Variants in GPATCH2 observed in about 807,000 individuals in gnomAD.
GPATCH2 encodes G-patch domain containing 2.
A neutral mutation model predicts 58.0 loss-of-function variants in GPATCH2; 51 were observed. The observed-to-expected ratio is 0.88, with a 90% CI of 0.70 to 1.11. The LOEUF (loss-of-function observed/expected upper bound fraction) is 1.11, where lower values mean the gene tolerates loss of function less well. Ranked by LOEUF, GPATCH2 falls within the 50% of genes most tolerant of loss-of-function variation. The pLI is 0.00. For missense variants in GPATCH2, 625 were observed against 652.2 expected, an observed-to-expected ratio of 0.96 and a Z score of 0.45; for synonymous variants, 222 against 218.5, an observed-to-expected ratio of 1.02 and a Z score of -0.14.
chr1:217,500,394 G>A (rs1662239259), intron 6 of GPATCH2, among the ~76,000 whole-genome samples: 1 of 151,802 alleles, frequency 6.6e-6, no homozygotes, highest in Non-Finnish European at 1.5e-5. Context: ...CTCTCACTGG[G>A]TGTTCACATC....
chr1:217,538,269 T>C (rs1664573817), intron 5 of GPATCH2, among the ~76,000 whole-genome samples: 1 of 152,222 alleles, frequency 6.6e-6, no homozygotes, highest in South Asian at 2.1e-4. Context: ...AGCATTCACA[T>C]TTCAATACAC....
At chr1:217,491,507 A>C (rs983702857) in intron 8 of GPATCH2, 173 bp downstream of exon 8, 1 of 321,070 alleles carries the variant, frequency 3.1e-6, no homozygotes, top group Non-Finnish European at 5.6e-6. Context: ...ATATAAATAA[A>C]ATATCTTTTT....
intron 5 of GPATCH2, among the ~76,000 whole-genome samples, chr1:217,528,071 T>C (rs1305005475): frequency 6.6e-6 from 1 of 152,174 alleles, no homozygotes; most frequent in East Asian, 1.9e-4. Flanking sequence ...GAGGGGTGAC[T>C]GTATGCATAA....
chr1:217,595,880 A>C (rs1667802878), intron 5 of GPATCH2, among the ~76,000 whole-genome samples: 1 of 152,140 alleles, frequency 6.6e-6, no homozygotes, highest in Admixed American at 6.5e-5. Flanking sequence ...CTCCTTAGAA[A>C]ACATTAAGTG....
At chr1:217,499,083 C>T (rs186816796) in intron 6 of GPATCH2, among the ~76,000 whole-genome samples, 1 of 152,224 alleles carries the variant, frequency 6.6e-6, no homozygotes. Flanking sequence ...GAGTTGTTAG[C>T]ATTAGCTATG....
intron 5 of GPATCH2, among the ~76,000 whole-genome samples, chr1:217,559,188 G>A (rs1293063240): frequency 6.6e-6 from 1 of 152,054 alleles, no homozygotes; most frequent in Non-Finnish European, 1.5e-5. Flanking sequence ...GCATGAAGAG[G>A]TTAGATGGCA....
chr1:217,487,892 A>T (rs1247458310), intron 8 of GPATCH2, among the ~76,000 whole-genome samples: 1 of 152,022 alleles, frequency 6.6e-6, no homozygotes, highest in Non-Finnish European at 1.5e-5. Flanking sequence ...ACAGGAGCAC[A>T]CCACCACGCC....
chr1:217,487,229 CT>C (rs1485290884), intron 8 of GPATCH2, among the ~76,000 whole-genome samples: 1 of 152,078 alleles, frequency 6.6e-6, no homozygotes, highest in Non-Finnish European at 1.5e-5. Flanking sequence ...TAAATTTCTG[CT>C]GGGTTGATCT....
intron 8 of GPATCH2, among the ~76,000 whole-genome samples, chr1:217,480,251 A>G (rs1044810816): frequency 3.3e-5 from 5 of 152,118 alleles, no homozygotes; most frequent in Non-Finnish European, 5.9e-5. Flanking sequence ...CTGACAAAGG[A>G]TTAGTAATCA....
At chr1:217,588,578 T>C (rs1667447180) in intron 5 of GPATCH2, among the ~76,000 whole-genome samples, 1 of 152,240 alleles carries the variant, frequency 6.6e-6, no homozygotes, top group African/African-American at 2.4e-5. Context: ...TCCAGTCATA[T>C]AATTAAATGT....
chr1:217,578,655 C>T (rs538500716), intron 5 of GPATCH2, among the ~76,000 whole-genome samples: 1 of 152,312 alleles, frequency 6.6e-6, no homozygotes, highest in Admixed American at 6.5e-5. Context: ...CTGTGTTTTA[C>T]TGACTGAATA....
At chr1:217,607,763 T>A (rs1346545949) in intron 5 of GPATCH2, among the ~76,000 whole-genome samples, 1 of 152,206 alleles carries the variant, frequency 6.6e-6, no homozygotes, top group African/African-American at 2.4e-5. Flanking sequence ...TCAACTATAA[T>A]ACAACTGAAA....
At chr1:217,559,847 A>G (rs535856449) in intron 5 of GPATCH2, among the ~76,000 whole-genome samples, 1 of 152,088 alleles carries the variant, frequency 6.6e-6, no homozygotes, top group South Asian at 2.1e-4. Flanking sequence ...AGAGAGACAG[A>G]GATCAAGAGA....
chr1:217,523,147 T>G (rs911614337), intron 5 of GPATCH2, among the ~76,000 whole-genome samples: 8 of 151,696 alleles, frequency 5.3e-5, no homozygotes, highest in Admixed American at 3.9e-4. Context: ...GTATTCATAA[T>G]AGAGAAGAAA....
chr1:217,430,916 G>A lies in GPATCH2; in HGVS notation c.*229C>T. 1 of 558,130 alleles carries A rather than the reference G, an allele frequency of 1.8e-6. No homozygotes were observed. Among genetic ancestry groups the A allele is most frequent in the Non-Finnish European group, 3.2e-6 (1 of 314,412 alleles). The allele number at this position is 558,130 out of a possible 1,614,324, so 34.6% of individuals were successfully genotyped here. A position where few individuals can be genotyped will look rare whatever the true frequency, so the allele number is the denominator to read the frequency against. On this transcript the variant is annotated 3_prime_UTR_variant, in exon 10 of 10. Transcript: ENST00000366935. Reference sequence around the variant, plus strand: ...GAGCTGCTCTTTATACCTAGAAATAGCTGGAAATTACTGAAAAAAATTAAA... The same window carrying A: ...GAGCTGCTCTTTATACCTAGAAATAACTGGAAATTACTGAAAAAAATTAAA...
intron 5 of GPATCH2, among the ~76,000 whole-genome samples, chr1:217,583,776 T>C (rs542372240): frequency 3.3e-5 from 5 of 152,128 alleles, no homozygotes; most frequent in African/African-American, 9.6e-5. Context: ...TATTTTTTTC[T>C]TAAAAGCAGC....
At chr1:217,501,770 T>C (rs1662317774) in intron 6 of GPATCH2, among the ~76,000 whole-genome samples, 1 of 152,124 alleles carries the variant, frequency 6.6e-6, no homozygotes, top group South Asian at 2.1e-4. Context: ...ATGTTTTTTG[T>C]CCATTTTCTA....
intron 5 of GPATCH2, among the ~76,000 whole-genome samples, chr1:217,560,717 G>A (rs986264410): frequency 1.5e-4 from 23 of 152,182 alleles, no homozygotes; most frequent in African/African-American, 5.6e-4. Flanking sequence ...TTTGCTGTGG[G>A]AGACTGGTGT....
chr1:217,509,873 T>A (rs901140431), intron 6 of GPATCH2, among the ~76,000 whole-genome samples: 4 of 152,172 alleles, frequency 2.6e-5, no homozygotes, highest in African/African-American at 7.2e-5. Context: ...TGATAAATAC[T>A]GTAATCAAGT....
Sources: allele counts gnomAD v4.1 joint callset (sites outside exome capture counted in the v4.1 genomes callset), GRCh38; gene constraint gnomAD v4.1.1; transcripts MANE v1.5; gene names NCBI Gene and HGNC (gene_info 2026-07-23, HGNC 2026-07-21).